ZNF682: variants seen among roughly 807,000 people sequenced by gnomAD.
ZNF682 encodes zinc finger protein 682.
ZNF682 carries 29 observed loss-of-function variants against 36.5 expected under a neutral mutation model. The ratio of observed to expected loss-of-function variants is 0.80; its 90% CI spans 0.59 to 1.08. The LOEUF (loss-of-function observed/expected upper bound fraction) is 1.08, where lower values mean the gene tolerates loss of function less well. Ranked by LOEUF, ZNF682 falls within the 50% of genes least tolerant of loss-of-function variation. ZNF682 has a pLI of 0.00. For synonymous variants in ZNF682, 180 were observed against 197.0 expected (o/e 0.91, Z 0.72); for missense variants, 561 against 579.7 (o/e 0.97, Z 0.33).
At chr19:20,003,531 C>T (rs1171707689), downstream of ZNF682, among the ~76,000 whole-genome samples, 1 of 151,534 alleles carries the variant, frequency 6.6e-6, no homozygotes, top group South Asian at 2.1e-4. Flanking sequence ...GGTGAAACCC[C>T]GTCTCTACTA....
intron 3 of ZNF682, among the ~76,000 whole-genome samples, chr19:20,020,305 G>A (rs1287641090): frequency 1.3e-5 from 2 of 152,034 alleles, no homozygotes; most frequent in Admixed American, 1.3e-4. Flanking sequence ...AGACCAGCCT[G>A]GCCAACATGG....
At chr19:20,009,937 T>C (rs1483272494) in intron 3 of ZNF682, among the ~76,000 whole-genome samples, 1 of 151,874 alleles carries the variant, frequency 6.6e-6, no homozygotes, top group East Asian at 1.9e-4. Flanking sequence ...CGAGAATTGC[T>C]TGAGCCCTGG....
In ZNF682 at chr19:20,006,143, A is replaced by C. The variant is rs201774459; in HGVS notation, c.1359T>G (p.Tyr453Ter). ...AAGCTTTGCCACATTCTTCACATTT[A>C]TAGCGTTTGACGGCAGTATGAATTT... ...HKKIHTAVKRYKCEECGKAFK... is the reference protein window; with the variant it reads ...HKKIHTAVKR The change falls in exon 4 of 4, where the codon TAT (tyrosine) becomes TAG (stop). Residue 453 changes from tyrosine (Y) to a stop codon, truncating the protein, a stop_gained. Transcript: ENST00000397165. LOFTEE classifies it high-confidence loss of function. 10 of 1,612,926 alleles carry C rather than the reference A, an allele frequency of 6.2e-6. No homozygotes were observed. In the South Asian group the frequency reaches 9.9e-5, roughly 16 times the overall value.
rs1250348713 is a variant in ZNF682 at position 20,004,546 on chromosome 19, A to G, written c.*1459T>C. ...TTTACTAAAATTTGAATAATGCACA[A>G]GACTATTACTCTGAACATCTATCTC... On this transcript the variant is annotated 3_prime_UTR_variant, in exon 4 of 4. Coordinates refer to ENST00000397165, the MANE Select transcript of ZNF682 (RefSeq NM_033196.3). The G allele has an allele frequency of 6.6e-6, 1 of 152,250 alleles. No homozygotes were observed. The highest frequency in any genetic ancestry group is 1.9e-4 in the East Asian group (1 of 5,206). 9.4% of individuals were successfully genotyped at this position (152,250 alleles called of 1,614,324 possible).
At chr19:20,037,771 T>C (rs1390408928) in intron 1 of ZNF682, among the ~76,000 whole-genome samples, 1 of 152,102 alleles carries the variant, frequency 6.6e-6, no homozygotes, top group East Asian at 1.9e-4. Context: ...TCTGAGAAAA[T>C]TTTCTCCTCA....
intron 3 of ZNF682, among the ~76,000 whole-genome samples, chr19:19,997,534 G>A (rs11879529): frequency 0.016 from 2,389 of 152,286 alleles, 62 homozygotes; most frequent in African/African-American, 0.054. Context: ...GAGATAGAGC[G>A]AAATGTGCCA....
downstream of ZNF682, among the ~76,000 whole-genome samples, chr19:20,001,071 T>C (rs940844886): frequency 6.6e-6 from 1 of 152,208 alleles, no homozygotes; most frequent in Admixed American, 6.5e-5. Context: ...CCTGTTTCAA[T>C]ACAATCTGGC....
intron 1 of ZNF682, among the ~76,000 whole-genome samples, chr19:20,035,193 G>A (rs545068248): frequency 3.7e-4 from 56 of 152,266 alleles, no homozygotes; most frequent in African/African-American, 1.3e-3. Context: ...TGACAGAGGT[G>A]GGGTTAATAT....
At chr19:20,009,567 C>T (rs2088263758) in intron 3 of ZNF682, among the ~76,000 whole-genome samples, 1 of 152,070 alleles carries the variant, frequency 6.6e-6, no homozygotes. Context: ...ATCCTCAAGG[C>T]ACATAGTATT....
At position 20,007,007 on chromosome 19, in the gene ZNF682, T is replaced by TA. The variant is rs764584044; in HGVS notation, c.494dup (p.Arg166LysfsTer18). ...TGAAAAGTTTCTCTGTAGTATGTCT[T>TA]ATGTTTTCTCTATTTAGATTTGATG... On this transcript the variant is annotated frameshift_variant, in exon 4 of 4. Coordinates refer to ENST00000397165, the MANE Select transcript of ZNF682 (RefSeq NM_033196.3). LOFTEE classifies it high-confidence loss of function. 6.2e-7 allele frequency: 1 copy of TA among 1,613,256 alleles called. No individual in the cohort carries two copies. The highest frequency in any genetic ancestry group is 1.1e-5 in the South Asian group (1 of 90,972).
downstream of ZNF682, among the ~76,000 whole-genome samples, chr19:20,002,695 T>C (rs1443183703): frequency 6.6e-6 from 1 of 152,182 alleles, no homozygotes; most frequent in African/African-American, 2.4e-5. Context: ...ACACTAATTA[T>C]GGAGTGTGTA....
intron 3 of ZNF682, among the ~76,000 whole-genome samples, chr19:20,017,973 G>A (rs188035544): frequency 2.7e-5 from 4 of 147,780 alleles, no homozygotes; most frequent in Non-Finnish European, 4.4e-5. Flanking sequence ...TTGTTAAGAT[G>A]TCAACATGCA....
At chr19:20,025,441 G>C (rs12984985) in intron 1 of ZNF682, among the ~76,000 whole-genome samples, 69,660 of 152,024 alleles carry the variant, frequency 0.46, 18,261 homozygotes, top group Non-Finnish European at 0.6. Context: ...ACTTTGGGAG[G>C]CCAAGGTGGG....
At chr19:20,018,160 C>T (rs1181491120) in intron 3 of ZNF682, among the ~76,000 whole-genome samples, 1 of 124,196 alleles carries the variant, frequency 8.1e-6, no homozygotes, top group African/African-American at 3.1e-5. Context: ...GTGGCGGGAT[C>T]TCGGCTCACT....
chr19:19,998,998 A>C (rs1396578166), intron 3 of ZNF682, among the ~76,000 whole-genome samples: 1 of 152,084 alleles, frequency 6.6e-6, no homozygotes, highest in Non-Finnish European at 1.5e-5. Context: ...GTGGGGCATC[A>C]TTAAGTCCTG....
rs1038764560 is a variant in ZNF682, at chr19:20,027,789, A to C, written c.4-3413T>G. 8.0e-5 allele frequency among the ~76,000 whole-genome samples: 12 copies of C among 150,466 alleles called. No homozygotes were observed. In the East Asian group the frequency reaches 9.9e-4, roughly 12 times the overall value. ...AACAAAAAAGAAAAACAAAAACAAA[A>C]AAAAAAAACAAAGCCTGGGGAGGCT... On this transcript the variant is annotated intron_variant, in intron 1 of 3. Coordinates refer to ENST00000397165, the MANE Select transcript of ZNF682 (RefSeq NM_033196.3).
intron 3 of ZNF682, among the ~76,000 whole-genome samples, chr19:20,011,049 T>C (rs1160552671): frequency 6.6e-6 from 1 of 152,026 alleles, no homozygotes; most frequent in African/African-American, 2.4e-5. Context: ...AACCTTCTGC[T>C]GACTTCGAGA....
At chr19:20,011,763 C>T (rs529060537) in intron 3 of ZNF682, among the ~76,000 whole-genome samples, 1 of 152,262 alleles carries the variant, frequency 6.6e-6, no homozygotes, top group African/African-American at 2.4e-5. Flanking sequence ...CGAGGCCAGG[C>T]GTGGTGGCTC....
chr19:20,003,690 G>A (rs899393532), downstream of ZNF682, among the ~76,000 whole-genome samples: 32 of 148,922 alleles, frequency 2.1e-4, no homozygotes, highest in Non-Finnish European at 3.0e-5. Context: ...GGGTGACAGA[G>A]CAAGACTCCG....
Sources: allele counts gnomAD v4.1 joint callset (sites outside exome capture counted in the v4.1 genomes callset), GRCh38; gene constraint gnomAD v4.1.1; transcripts MANE v1.5; gene names NCBI Gene and HGNC (gene_info 2026-07-23, HGNC 2026-07-21).